MINDY2: variants seen among roughly 807,000 people sequenced by gnomAD.
MINDY2 encodes the protein MINDY lysine 48 deubiquitinase 2.
Under a neutral mutation model 68.2 loss-of-function variants are expected in MINDY2, and 52 were observed. The observed-to-expected ratio is 0.76, with a 90% CI of 0.61 to 0.96. MINDY2 has a LOEUF of 0.96. Ranked by LOEUF, MINDY2 falls within the 40% of genes least tolerant of loss-of-function variation. MINDY2 has a pLI of 0.00. For missense variants in MINDY2, 881 were observed against 773.4 expected (o/e 1.14, Z -1.65); for synonymous variants, 372 against 303.0 (o/e 1.23, Z -2.36).
intron 6 of MINDY2, among the ~76,000 whole-genome samples, chr15:58,834,430 G>T (rs775378401): frequency 5.3e-5 from 8 of 152,080 alleles, no homozygotes; most frequent in Non-Finnish European, 8.8e-5. Flanking sequence ...TCAAACCAGT[G>T]GTTCTCAACC....
chr15:58,802,299 T>G lies in MINDY2; in HGVS notation c.899-14T>G, dbSNP rs1396751178. 4 of 1,550,774 alleles carry G rather than the reference T, an allele frequency of 2.6e-6. No individual in the cohort carries two copies. The highest frequency in any genetic ancestry group is 3.5e-6 in the Non-Finnish European group (4 of 1,146,946). On this transcript the variant is annotated splice_polypyrimidine_tract_variant and intron_variant, in intron 2 of 8. Coordinates refer to ENST00000559228, the MANE Select transcript of MINDY2 (RefSeq NM_001040450.3). ...TTAAAAGGCAATTTTACAATTCTTT[T>G]TTTTTTTTTACAGGAGATTACATGC...
intron 7 of MINDY2, 126 bp from the exon 8 acceptor site, chr15:58,851,645 T>C: frequency 1.4e-6 from 1 of 724,728 alleles, no homozygotes; most frequent in Non-Finnish European, 2.1e-6. Context: ...CTTGCTATAT[T>C]GCCCAGGCCT....
intron 4 of MINDY2, among the ~76,000 whole-genome samples, chr15:58,816,566 C>T (rs1296983098): frequency 1.3e-5 from 2 of 151,970 alleles, no homozygotes; most frequent in Non-Finnish European, 2.9e-5. Flanking sequence ...TCAGCATGCC[C>T]AGCTCACATA....
intron 5 of MINDY2, among the ~76,000 whole-genome samples, chr15:58,823,011 A>G (rs1315460315): frequency 2.6e-5 from 4 of 152,204 alleles, no homozygotes; most frequent in East Asian, 3.8e-4. Context: ...AATTCCATCT[A>G]TATTAATCAG....
At chr15:58,818,346 A>G (rs2030836863) in intron 4 of MINDY2, among the ~76,000 whole-genome samples, 1 of 152,078 alleles carries the variant, frequency 6.6e-6, no homozygotes, top group Non-Finnish European at 1.5e-5. Context: ...GCAACCTGGT[A>G]CTTCTGGGCT....
chr15:58,787,139 A>ATT (rs1901556036), intron 1 of MINDY2, among the ~76,000 whole-genome samples: 2 of 77,130 alleles, frequency 2.6e-5, no homozygotes, highest in African/African-American at 1.1e-4. Flanking sequence ...CCATTTCTTT[A>ATT]CTTTTTTTTT....
rs2033216003 is a variant in MINDY2, at chr15:58,861,470, TAAC to T, written c.*6864_*6866del. ...AGCTTTAATTTCAATTGAGGAATAA[TAAC>T]AACCCTAGAGATTCATAGGAAAGAG... On this transcript the variant is annotated 3_prime_UTR_variant, in exon 9 of 9. Coordinates refer to ENST00000559228, the MANE Select transcript of MINDY2 (RefSeq NM_001040450.3). 3.3e-5 allele frequency: 5 copies of T among 152,288 alleles called. No individual in the cohort carries two copies. Among genetic ancestry groups the T allele is most frequent in the East Asian group, 3.9e-4 (2 of 5,188 alleles). 9.4% of individuals were successfully genotyped at this position (152,288 alleles called of 1,614,324 possible).
chr15:58,775,365 G>T (rs964932075), intron 1 of MINDY2, among the ~76,000 whole-genome samples: 4 of 152,186 alleles, frequency 2.6e-5, no homozygotes, highest in African/African-American at 9.7e-5. Context: ...AACAGTAAAT[G>T]GGGTGTGAAG....
chr15:58,839,839 T>C (rs1398773360), intron 6 of MINDY2, among the ~76,000 whole-genome samples: 1 of 151,306 alleles, frequency 6.6e-6, no homozygotes, highest in Non-Finnish European at 1.5e-5. Context: ...CTTTTTTTTT[T>C]TTTTTCTTTT....
chr15:58,860,634 A>G lies in MINDY2; in HGVS notation c.*6024A>G, dbSNP rs1210679330. On this transcript the variant is annotated 3_prime_UTR_variant, in exon 9 of 9. Coordinates refer to ENST00000559228, the MANE Select transcript of MINDY2 (RefSeq NM_001040450.3). Reference sequence around the variant, plus strand: ...AAATTCCCATTTAAGTTCTCAAATCAGTGATCTGTCAAAATAGGCCTTGTA... The same window carrying G: ...AAATTCCCATTTAAGTTCTCAAATCGGTGATCTGTCAAAATAGGCCTTGTA... 6.6e-6 allele frequency: 1 copy of G among 151,960 alleles called. No homozygotes were observed. The highest frequency in any genetic ancestry group is 1.5e-5 in the Non-Finnish European group (1 of 67,978). 9.4% of individuals were successfully genotyped at this position (151,960 alleles called of 1,614,324 possible). A position where few individuals can be genotyped will look rare whatever the true frequency, so the allele number is the denominator to read the frequency against.
Position 58,857,420 on chromosome 15 carries a change from G to C in MINDY2, c.*2810G>C, listed in dbSNP as rs1185602810. Reference sequence around the variant, plus strand: ...ATGGTGGCGGGCACCTGTCATCCCAGCTACTTGGGAGGCTGAGGCAGGAGA... The same window carrying C: ...ATGGTGGCGGGCACCTGTCATCCCACCTACTTGGGAGGCTGAGGCAGGAGA... On this transcript the variant is annotated 3_prime_UTR_variant, in exon 9 of 9. Coordinates refer to ENST00000559228, the MANE Select transcript of MINDY2 (RefSeq NM_001040450.3). The C allele has an allele frequency of 1.3e-5, 2 of 151,132 alleles. No individual in the cohort carries two copies. Among genetic ancestry groups the C allele is most frequent in the Non-Finnish European group, 2.9e-5 (2 of 68,106 alleles). 9.4% of individuals were successfully genotyped at this position (151,132 alleles called of 1,614,324 possible).
Position 58,772,204 on chromosome 15 carries a change from C to G in MINDY2, c.809C>G (p.Ala270Gly), listed in dbSNP as rs375082729. 2 of 1,612,928 alleles carry G rather than the reference C, an allele frequency of 1.2e-6. No homozygotes were observed. The highest frequency in any genetic ancestry group is 1.7e-6 in the Non-Finnish European group (2 of 1,180,018). The part of the protein sequence containing the change: ...QNENGPCPLL[A>G]ILNVLLLAWK... ...GAGAACGGACCCTGCCCCTTGCTGG[C>G]CATCCTCAATGTTTTGCTCCTGGCC... Residue 270 changes from alanine (A) to glycine (G), a missense_variant, in exon 1 of 9, where the codon GCC becomes GGC. Physicochemically the swap from Ala to Gly is moderately conservative, Grantham distance 60. Transcript: ENST00000559228.
intron 6 of MINDY2, among the ~76,000 whole-genome samples, chr15:58,843,552 T>G (rs1230560479): frequency 6.6e-6 from 1 of 152,188 alleles, no homozygotes; most frequent in Non-Finnish European, 1.5e-5. Flanking sequence ...TGAAAACCTA[T>G]TCTGTCCAGA....
At chr15:58,797,642 G>A (rs1215701786) in intron 2 of MINDY2, among the ~76,000 whole-genome samples, 2 of 152,178 alleles carry the variant, frequency 1.3e-5, no homozygotes, top group African/African-American at 4.8e-5. Flanking sequence ...GTGTTAAACT[G>A]TGCTGCCACT....
In MINDY2 at chr15:58,788,094, A is replaced by T; in HGVS notation, c.898+131A>T. The T allele has an allele frequency of 5.2e-6, 3 of 574,346 alleles. No homozygotes were observed. In the South Asian group the frequency reaches 1.0e-4, roughly 19 times the overall value. The allele number at this position is 574,346 out of a possible 1,614,324, so 35.6% of individuals were successfully genotyped here. A position where few individuals can be genotyped will look rare whatever the true frequency, so the allele number is the denominator to read the frequency against. ...TAAAATTATAGTTTTGAATCTGCTAATTAAAAATTTTTATCAGTATGTTAC... is the reference window on the plus strand; with the variant it reads ...TAAAATTATAGTTTTGAATCTGCTATTTAAAAATTTTTATCAGTATGTTAC... On this transcript the variant is annotated intron_variant, in intron 2 of 8. Coordinates refer to ENST00000559228, the MANE Select transcript of MINDY2 (RefSeq NM_001040450.3).
chr15:58,798,240 C>A (rs968474575), intron 2 of MINDY2, among the ~76,000 whole-genome samples: 1 of 151,980 alleles, frequency 6.6e-6, no homozygotes, highest in Non-Finnish European at 1.5e-5. Flanking sequence ...CCTCAGCTAC[C>A]CGAGCAGCTG....
intron 3 of MINDY2, among the ~76,000 whole-genome samples, chr15:58,804,571 G>C (rs1335802248): frequency 1.3e-5 from 2 of 152,194 alleles, no homozygotes; most frequent in African/African-American, 4.8e-5. Flanking sequence ...ACTTTGGGAG[G>C]CCAAAGCAGG....
intron 4 of MINDY2, among the ~76,000 whole-genome samples, chr15:58,816,649 C>T (rs768179681): frequency 2.0e-5 from 3 of 151,744 alleles, no homozygotes; most frequent in African/African-American, 7.2e-5. Flanking sequence ...GATCACTATA[C>T]AGATAGAACT....
At chr15:58,773,761 A>G (rs1428783158) in intron 1 of MINDY2, among the ~76,000 whole-genome samples, 1 of 152,172 alleles carries the variant, frequency 6.6e-6, no homozygotes, top group Non-Finnish European at 1.5e-5. Flanking sequence ...AAGGAAGAGA[A>G]TTTAGAATAA....
Sources: gnomAD v4.1 joint callset for allele counts (sites outside exome capture counted in the v4.1 genomes callset) on GRCh38, gnomAD v4.1.1 for gene constraint, MANE v1.5 for transcripts, NCBI Gene and HGNC (gene_info 2026-07-23, HGNC 2026-07-21) for gene names.